TMEM214: variants seen among roughly 807,000 people sequenced by gnomAD.
The protein encoded by TMEM214 is transmembrane protein 214.
A neutral mutation model predicts 89.8 loss-of-function variants in TMEM214; 71 were observed. That is an observed-to-expected ratio of 0.79 (90% CI 0.65 to 0.96). The LOEUF (loss-of-function observed/expected upper bound fraction) is 0.96, where lower values mean the gene tolerates loss of function less well. Ranked by LOEUF, TMEM214 falls within the 40% of genes least tolerant of loss-of-function variation. TMEM214 has a pLI of 0.00. For missense variants in TMEM214, 754 were observed against 843.4 expected, an observed-to-expected ratio of 0.89 and a Z score of 1.31; for synonymous variants, 332 against 349.5, an observed-to-expected ratio of 0.95 and a Z score of 0.56.
chr2:27,033,537 C>T (rs868691865), intron 1 of TMEM214, among the ~76,000 whole-genome samples: 1 of 152,150 alleles, frequency 6.6e-6, no homozygotes, highest in African/African-American at 2.4e-5. Context: ...CACGGTGCCC[C>T]CTCTTTAAGT....
At position 27,038,799 on chromosome 2, in the gene TMEM214, G is replaced by A. The variant is rs1667684729; in HGVS notation, c.1391G>A (p.Cys464Tyr). The A allele has an allele frequency of 3.1e-6, 5 of 1,614,098 alleles. No homozygotes were observed. The highest frequency in any genetic ancestry group is 4.2e-6 in the Non-Finnish European group (5 of 1,179,948). ...GSSNNQDVVT[C>Y]DMACKGLLQQ... ...AGTAACAACCAGGATGTCGTCACCT[G>A]TGACATGGCCTGCAAGGTGCTGGCA... The change falls in exon 12 of 17, where the codon TGT (cysteine) becomes TAT (tyrosine). Residue 464 changes from cysteine to tyrosine, a missense_variant. Physicochemically the swap from Cys to Tyr is radical, Grantham distance 194 (BLOSUM62 -2). Coordinates refer to ENST00000238788, the MANE Select transcript of TMEM214 (RefSeq NM_017727.5). This position sits in a 1 kb window ranked among gnomAD's most constrained non-coding sequence, Gnocchi z 4.4.
Position 27,036,049 on chromosome 2 carries a change from C to G in TMEM214, c.717C>G (p.Gly239=), listed in dbSNP as rs760871795. 6.2e-7 allele frequency: 1 copy of G among 1,614,032 alleles called. No homozygotes were observed. Among genetic ancestry groups the G allele is most frequent in the Non-Finnish European group, 8.5e-7 (1 of 1,179,944 alleles). The change falls in exon 5 of 17, where the codon GGC becomes GGG. Residue 239 remains glycine, a synonymous_variant. Transcript: ENST00000238788. ...DKPKIATANL[G]KFLELLRSHQ... The stretch of plus-strand genomic sequence containing the variant: ...CCAAGATTGCCACGGCAAACCTAGG[C>G]AAGGTGAGCTCTCAGTGATGGTGGG...
At chr2:27,037,994 G>C in intron 9 of TMEM214, 152 bp from the exon 10 acceptor site, 1 of 1,573,814 alleles carries the variant, frequency 6.4e-7, no homozygotes, top group Non-Finnish European at 8.6e-7. Flanking sequence ...CTCTCAGAGA[G>C]CTTTCTGGAG....
Position 27,033,123 on chromosome 2 carries a change from G to A in TMEM214, c.108G>A (p.Arg36=). ...AGGRGGGRNR[R]ALGEANGVWK... is the part of the protein sequence containing the mutation. Reference sequence around the variant, plus strand: ...GCCGAGGAGGCGGCAGGAACCGCAGGGCGCTCGGGGAAGCAAACGGAGTGT... The same window carrying A: ...GCCGAGGAGGCGGCAGGAACCGCAGAGCGCTCGGGGAAGCAAACGGAGTGT... Residue 36 remains arginine, a synonymous_variant, in exon 1 of 17, where the codon AGG becomes AGA. Coordinates refer to ENST00000238788, the MANE Select transcript of TMEM214 (RefSeq NM_017727.5). The A allele has an allele frequency of 7.2e-6, 9 of 1,248,562 alleles. No homozygotes were observed. The highest frequency in any genetic ancestry group is 9.1e-6 in the Non-Finnish European group (9 of 987,846). 77.3% of individuals were successfully genotyped at this position (1,248,562 alleles called of 1,614,324 possible). A position where few individuals can be genotyped will look rare whatever the true frequency, so the allele number is the denominator to read the frequency against.
chr2:27,039,950 C>T, intron 14 of TMEM214, 80 bp from the exon 15 acceptor site: 4 of 1,594,600 alleles, frequency 2.5e-6, no homozygotes, highest in Non-Finnish European at 3.4e-6. Flanking sequence ...CCACGGCCTC[C>T]CTTTCCCCAG....
chr2:27,034,519 G>C (rs1475288749), intron 2 of TMEM214: 13 of 493,458 alleles, frequency 2.6e-5, no homozygotes, highest in Non-Finnish European at 3.6e-5. Context: ...GAACACCAGG[G>C]AGGAGATGGA....
At position 27,039,125 on chromosome 2, in the gene TMEM214, T is replaced by A; in HGVS notation, c.1486T>A (p.Phe496Ile). The A allele has an allele frequency of 6.2e-7, 1 of 1,613,930 alleles. No individual in the cohort carries two copies. The highest frequency in any genetic ancestry group is 1.1e-5 in the South Asian group (1 of 91,086). ...LLLLLVFAVG[F>I]LCHDLRSHSS... ...GTTGCTGCTGGTCTTCGCTGTAGGC[T>A]TCCTGTGCCATGACCTCCGGTCACA... The change falls in exon 13 of 17, where the codon TTC (phenylalanine) becomes ATC (isoleucine). Residue 496 changes from phenylalanine (F) to isoleucine (I), a missense_variant. Physicochemically the swap from Phe to Ile is conservative, Grantham distance 21. Coordinates refer to ENST00000238788, the MANE Select transcript of TMEM214 (RefSeq NM_017727.5).
chr2:27,041,320 T>C lies in TMEM214; in HGVS notation c.*483T>C, dbSNP rs150815853. 6.4e-6 allele frequency: 1 copy of C among 156,438 alleles called. No homozygotes were observed. Among genetic ancestry groups the C allele is most frequent in the East Asian group, 1.9e-4 (1 of 5,262 alleles). The allele number at this position is 156,438 out of a possible 1,614,324, so 9.7% of individuals were successfully genotyped here. A position where few individuals can be genotyped will look rare whatever the true frequency, so the allele number is the denominator to read the frequency against. On this transcript the variant is annotated 3_prime_UTR_variant, in exon 17 of 17. Coordinates refer to ENST00000238788, the MANE Select transcript of TMEM214 (RefSeq NM_017727.5). ...AAGGAAAGGGGCTTCCAGAAGAATATAGCACCGCATTGGGAAACAGCAGCC... is the reference window on the plus strand; with the variant it reads ...AAGGAAAGGGGCTTCCAGAAGAATACAGCACCGCATTGGGAAACAGCAGCC...
Position 27,038,923 on chromosome 2 carries a change from C to A in TMEM214, c.1407+108C>A, listed in dbSNP as rs976173243. ...CCTGCCCCACCTGTCTGGAGCCCCCCGCTGCCTCCAGGATAATGTGAAGGC... is the reference window on the plus strand; with the variant it reads ...CCTGCCCCACCTGTCTGGAGCCCCCAGCTGCCTCCAGGATAATGTGAAGGC... On this transcript the variant is annotated intron_variant, in intron 12 of 16. Transcript: ENST00000238788. This position sits in a 1 kb window ranked among gnomAD's most constrained non-coding sequence, Gnocchi z 4.4. 3.5e-6 allele frequency: 5 copies of A among 1,411,194 alleles called. No individual in the cohort carries two copies. The highest frequency in any genetic ancestry group is 4.0e-6 in the Non-Finnish European group (4 of 1,003,778). The allele number at this position is 1,411,194 out of a possible 1,614,324, so 87.4% of individuals were successfully genotyped here. A position where few individuals can be genotyped will look rare whatever the true frequency, so the allele number is the denominator to read the frequency against.
intron 14 of TMEM214, 67 bp downstream of exon 14, chr2:27,039,904 C>T (rs970781371): frequency 2.3e-5 from 37 of 1,597,682 alleles, no homozygotes; most frequent in South Asian, 5.5e-5. Flanking sequence ...AGGGAGGAGG[C>T]GACAGTCAGT....
Position 27,036,573 on chromosome 2 carries a change from C to T in TMEM214, c.807C>T (p.Asn269=), listed in dbSNP as rs1667572527. ...CCCTGGGTCAAGCAGGTTTTGCCAA[C>T]CTCACCGAGGGACTGAAAGGTAACA... ...MWALGQAGFA[N]LTEGLKVWLG... The change falls in exon 6 of 17, where the codon AAC becomes AAT. Residue 269 remains asparagine, a synonymous_variant. Transcript: ENST00000238788. 6.2e-7 allele frequency: 1 copy of T among 1,614,150 alleles called. No individual in the cohort carries two copies. The highest frequency in any genetic ancestry group is 8.5e-7 in the Non-Finnish European group (1 of 1,180,014).
chr2:27,035,086 C>T (rs1421432025), intron 2 of TMEM214, 49 bp from the exon 3 acceptor site: 5 of 1,607,994 alleles, frequency 3.1e-6, no homozygotes, highest in Non-Finnish European at 4.3e-6. Context: ...TCTTTACTCC[C>T]TCACTCACAA....
At chr2:27,039,283 G>A in intron 13 of TMEM214, 119 bp downstream of exon 13, 1 of 819,834 alleles carries the variant, frequency 1.2e-6, no homozygotes, top group Non-Finnish European at 2.0e-6. Context: ...CAATCCTGCA[G>A]AGTAAACACT....
chr2:27,038,600 C>T lies in TMEM214; in HGVS notation c.1293+68C>T. ...TTCTAGGTTCTGAGTGGGGGCTCCT[C>T]AGCCACTGTCCCTTCCCTGAGAAGG... On this transcript the variant is annotated intron_variant, in intron 11 of 16. Transcript: ENST00000238788. The surrounding 1 kb of genome is among the most constrained non-coding windows in gnomAD (Gnocchi z 4.4). 6.2e-7 allele frequency: 1 copy of T among 1,608,364 alleles called. No individual in the cohort carries two copies. The highest frequency in any genetic ancestry group is 8.5e-7 in the Non-Finnish European group (1 of 1,175,724).
intron 13 of TMEM214, 169 bp downstream of exon 13, chr2:27,039,333 A>G: frequency 3.2e-6 from 2 of 619,638 alleles, no homozygotes; most frequent in Non-Finnish European, 5.7e-6. Flanking sequence ...TGACACTACC[A>G]TTTCAGATTG....
At chr2:27,034,335 G>A in intron 2 of TMEM214, 69 bp downstream of exon 2, 1 of 1,522,888 alleles carries the variant, frequency 6.6e-7, no homozygotes, top group Non-Finnish European at 9.0e-7. Context: ...GAGAGGAGGG[G>A]GAGGTGGATG....
At chr2:27,034,567 A>C in intron 2 of TMEM214, 1 of 307,612 alleles carries the variant, frequency 3.3e-6, no homozygotes, top group Non-Finnish European at 6.0e-6. Context: ...GGAAATACTG[A>C]TCTTTCATTT....
Position 27,035,605 on chromosome 2 carries a change from A to T in TMEM214, c.514A>T (p.Ser172Cys). ...CCTATGGGCCTTAGATTATCCCTAC[A>T]GCCTGGTGAGCCGGGAGCTACGTGG... The part of the protein sequence containing the change: ...LSQHTHDYPY[S>C]LVSRELRGII... Residue 172 changes from serine (S) to cysteine (C), a missense_variant, in exon 4 of 17, where the codon AGC becomes TGC. Transcript: ENST00000238788. The T allele has an allele frequency of 6.2e-7, 1 of 1,614,176 alleles. No individual in the cohort carries two copies. Among genetic ancestry groups the T allele is most frequent in the African/African-American group, 1.3e-5 (1 of 75,038 alleles).
In TMEM214 at chr2:27,038,126, C is replaced by T. The variant is rs202030172; in HGVS notation, c.1153-20C>T. 2.5e-4 allele frequency: 400 copies of T among 1,614,024 alleles called. 1 individual carries two copies. The Middle Eastern group carries it at 7.1e-3, about 29-fold the overall frequency. On this transcript the variant is annotated intron_variant, in intron 9 of 16. Transcript: ENST00000238788. This position sits in a 1 kb window ranked among gnomAD's most constrained non-coding sequence, Gnocchi z 4.4. Reference sequence around the variant, plus strand: ...CAGCCCCATGCCCCCAGCAGCCTCTCCCTCTGTCGTGCTGTGCAGCTCCTG... The same window carrying T: ...CAGCCCCATGCCCCCAGCAGCCTCTTCCTCTGTCGTGCTGTGCAGCTCCTG...
Sources: gnomAD v4.1 joint callset for allele counts (sites outside exome capture counted in the v4.1 genomes callset) on GRCh38, gnomAD v4.1.1 for gene constraint, Gnocchi (gnomAD v3.1) non-coding constraint, MANE v1.5 for transcripts, NCBI Gene and HGNC (gene_info 2026-07-23, HGNC 2026-07-21) for gene names.